Variants in PDE4D observed in about 807,000 individuals in gnomAD.
PDE4D encodes the protein 3',5'-cyclic-AMP phosphodiesterase 4D.
Under a neutral mutation model 87.4 loss-of-function variants are expected in PDE4D, and 24 were observed. The ratio of observed to expected loss-of-function variants is 0.27; its 90% CI spans 0.20 to 0.39. The LOEUF (loss-of-function observed/expected upper bound fraction) is 0.39, where lower values mean the gene tolerates loss of function less well. Among genes scored for constraint, PDE4D ranks in the 10% least tolerant of loss-of-function variants. PDE4D has a pLI of 1.00. For missense variants in PDE4D, 714 were observed against 1,041.0 expected (o/e 0.69, Z 4.32); for synonymous variants, 384 against 383.2 (o/e 1.00, Z -0.02).
chr5:60,457,068 A>G (rs1746526659), intron 1 of PDE4D, among the ~76,000 whole-genome samples: 1 of 152,236 alleles, frequency 6.6e-6, no homozygotes, highest in Non-Finnish European at 1.5e-5. Context: ...GAGGCACACA[A>G]GCTCCTTGGA....
At position 59,398,677 on chromosome 5, in the gene PDE4D, G is replaced by A. The variant is rs1271457982; in HGVS notation, c.456-182709C>T. On this transcript the variant is annotated intron_variant, in intron 1 of 14. Coordinates refer to ENST00000340635, the MANE Select transcript of PDE4D (RefSeq NM_001104631.2). ...TCCCTTTGAAAACTGGCACAAGACAGGGATGCTCTCTCTCACCACTCCTAT... is the reference window on the plus strand; with the variant it reads ...TCCCTTTGAAAACTGGCACAAGACAAGGATGCTCTCTCTCACCACTCCTAT... 1.0e-4 allele frequency among the ~76,000 whole-genome samples: 12 copies of A among 116,788 alleles called. 1 individual carries two copies. The highest frequency in any genetic ancestry group is 3.5e-4 in the African/African-American group (10 of 28,186). The allele number at this position is 116,788 out of a possible 152,430, so 76.6% of individuals were successfully genotyped here. A position where few individuals can be genotyped will look rare whatever the true frequency, so the allele number is the denominator to read the frequency against.
intron 5 of PDE4D, among the ~76,000 whole-genome samples, chr5:59,050,066 C>T (rs1181767631): frequency 6.6e-6 from 1 of 152,170 alleles, no homozygotes; most frequent in East Asian, 1.9e-4. Flanking sequence ...GAGTTTGAGA[C>T]CAGCCTGGCC....
At chr5:59,922,373 C>T (rs958894032) in intron 3 of PDE4D, among the ~76,000 whole-genome samples, 1 of 151,962 alleles carries the variant, frequency 6.6e-6, no homozygotes, top group South Asian at 2.1e-4. Context: ...CTAGCAGGGG[C>T]AGCCAAAGGA....
At chr5:58,995,058 C>CA (rs1561261973) in intron 6 of PDE4D, among the ~76,000 whole-genome samples, 6 of 150,222 alleles carry the variant, frequency 4.0e-5, no homozygotes, top group African/African-American at 2.4e-5. Flanking sequence ...AACAAACAAA[C>CA]AAAAAAACAA....
chr5:60,138,987 G>T (rs1780292198), intron 2 of PDE4D, among the ~76,000 whole-genome samples: 1 of 151,918 alleles, frequency 6.6e-6, no homozygotes, highest in South Asian at 2.1e-4. Context: ...TTTTAACTCA[G>T]TAATCCCATT....
intron 6 of PDE4D, among the ~76,000 whole-genome samples, chr5:59,006,452 G>C (rs887899889): frequency 3.3e-5 from 5 of 151,926 alleles, no homozygotes; most frequent in Admixed American, 1.3e-4. Flanking sequence ...TGTAGTTCCA[G>C]ATACTACTGA....
intron 5 of PDE4D, among the ~76,000 whole-genome samples, chr5:59,059,631 G>A (rs10043404): frequency 0.047 from 7,083 of 152,142 alleles, 564 homozygotes; most frequent in African/African-American, 0.16. Flanking sequence ...AATCTTTAAC[G>A]CTGGAAATCT....
At chr5:59,304,141 TA>T (rs1198529575) in intron 1 of PDE4D, among the ~76,000 whole-genome samples, 1 of 152,124 alleles carries the variant, frequency 6.6e-6, no homozygotes, top group African/African-American at 2.4e-5. Context: ...TATTTTATTT[TA>T]TTTTTTTTAC....
At chr5:59,631,729 T>C (rs994369800) in intron 1 of PDE4D, among the ~76,000 whole-genome samples, 1 of 152,196 alleles carries the variant, frequency 6.6e-6, no homozygotes, top group African/African-American at 2.4e-5. Context: ...ATACTATGCT[T>C]TTCCCACGGT....
At chr5:59,486,520 A>G (rs995150746) in intron 1 of PDE4D, among the ~76,000 whole-genome samples, 2 of 152,186 alleles carry the variant, frequency 1.3e-5, no homozygotes, top group Non-Finnish European at 2.9e-5. Context: ...AATACTTCCC[A>G]TGTGCCCTAT....
chr5:59,307,741 G>T (rs2153563986), intron 1 of PDE4D, among the ~76,000 whole-genome samples: 1 of 152,116 alleles, frequency 6.6e-6, no homozygotes, highest in East Asian at 1.9e-4. Context: ...GGAGAAATAG[G>T]AATACTTTTA....
chr5:59,756,676 A>C (rs906929991), intron 1 of PDE4D, among the ~76,000 whole-genome samples: 1 of 152,158 alleles, frequency 6.6e-6, no homozygotes, highest in Non-Finnish European at 1.5e-5. Context: ...CTGGGTGTTC[A>C]GCATAAAAGA....
intron 1 of PDE4D, among the ~76,000 whole-genome samples, chr5:60,340,149 C>A (rs1170114937): frequency 6.6e-6 from 1 of 151,764 alleles, no homozygotes; most frequent in Middle Eastern, 3.4e-3. Context: ...AACAGGGATC[C>A]GGGCCCACGG....
In PDE4D at chr5:60,430,047, T is replaced by C. The variant is rs1178720921; in HGVS notation, c.-90+57895A>G. 3 of 523,442 alleles carry C rather than the reference T, an allele frequency of 5.7e-6. No homozygotes were observed. The East Asian group carries it at 1.6e-4, about 28-fold the overall frequency. 32.4% of individuals were successfully genotyped at this position (523,442 alleles called of 1,614,324 possible). On this transcript the variant is annotated intron_variant, in intron 1 of 16. Transcript: ENST00000502484. ...CATGGATACAGTATGAGACGTTGCT[T>C]ATTCCTTTGGCCCAGACAGCTTTGT...
intron 1 of PDE4D, among the ~76,000 whole-genome samples, chr5:59,395,576 ATCT>A (rs1789240542): frequency 1.3e-5 from 2 of 150,332 alleles, no homozygotes; most frequent in African/African-American, 4.9e-5. Context: ...CCAAAAACCC[ATCT>A]GTACATCACC....
intron 1 of PDE4D, among the ~76,000 whole-genome samples, chr5:59,854,567 A>G (rs1372005925): frequency 6.6e-6 from 1 of 152,104 alleles, no homozygotes; most frequent in Non-Finnish European, 1.5e-5. Context: ...AATATTATAT[A>G]AGCATTGAGG....
intron 1 of PDE4D, among the ~76,000 whole-genome samples, chr5:59,503,734 GGTGA>G (rs1226632852): frequency 6.6e-6 from 1 of 152,136 alleles, no homozygotes; most frequent in Non-Finnish European, 1.5e-5. Flanking sequence ...CCCCAGGTAT[GGTGA>G]GTAAGCCCAC....
At chr5:59,362,562 C>T (rs182706204) in intron 1 of PDE4D, among the ~76,000 whole-genome samples, 8 of 152,220 alleles carry the variant, frequency 5.3e-5, no homozygotes, top group East Asian at 1.9e-4. Context: ...TAGAATTTCT[C>T]GATTGCTCAA....
chr5:59,561,930 C>CAA lies in PDE4D; in HGVS notation c.455+331236_455+331237dup, dbSNP rs34711969. Among the ~76,000 whole-genome samples, 78 of 139,006 alleles carry CAA rather than the reference C, an allele frequency of 5.6e-4. 1 individual carries two copies. The highest frequency in any genetic ancestry group is 1.4e-3 in the Admixed American group (20 of 14,090). The allele number at this position is 139,006 out of a possible 152,430, so 91.2% of individuals were successfully genotyped here. On this transcript the variant is annotated intron_variant, in intron 1 of 14. Coordinates refer to ENST00000340635, the MANE Select transcript of PDE4D (RefSeq NM_001104631.2). ...CTGGGCAACAAGAGTGAAACGCTGT[C>CAA]AAAAAAAAAAAAAAAAATTAAATAA...
Sources: allele counts gnomAD v4.1 joint callset (sites outside exome capture counted in the v4.1 genomes callset), GRCh38; gene constraint gnomAD v4.1.1; transcripts MANE v1.5; gene names NCBI Gene and HGNC (gene_info 2026-07-23, HGNC 2026-07-21).